RBM23: variants seen among roughly 807,000 people sequenced by gnomAD.
The protein encoded by RBM23 is probable RNA-binding protein 23.
RBM23 carries 53 observed loss-of-function variants against 56.2 expected under a neutral mutation model. That is an observed-to-expected ratio of 0.94 (90% CI 0.76 to 1.19). RBM23 has a LOEUF of 1.19. Among genes scored for constraint, RBM23 ranks in the 50% most tolerant of loss-of-function variants. The pLI is 0.00. For missense variants in RBM23, 642 were observed against 590.3 expected (o/e 1.09, Z -0.91); for synonymous variants, 197 against 198.5 (o/e 0.99, Z 0.06).
intron 4 of RBM23, 22 bp downstream of exon 4, chr14:22,908,311 T>G: frequency 6.5e-7 from 1 of 1,549,546 alleles, no homozygotes; most frequent in Non-Finnish European, 8.7e-7. Flanking sequence ...CGAGCCACTG[T>G]GCCTGGCCCA....
Position 22,901,627 on chromosome 14 carries a change from C to T in RBM23, c.*103G>A, listed in dbSNP as rs1026946858. ...TCCTCAGAGACAATGTCCATGCCCT[C>T]AGGATGGCTTGGTCCACAAAATGGA... On this transcript the variant is annotated 3_prime_UTR_variant, in exon 14 of 14. Coordinates refer to ENST00000359890, the MANE Select transcript of RBM23 (RefSeq NM_001077351.2). The T allele has an allele frequency of 4.6e-6, 7 of 1,506,642 alleles. No individual in the cohort carries two copies. The highest frequency in any genetic ancestry group is 1.4e-5 in the African/African-American group (1 of 72,536). The allele number at this position is 1,506,642 out of a possible 1,614,324, so 93.3% of individuals were successfully genotyped here. A position where few individuals can be genotyped will look rare whatever the true frequency, so the allele number is the denominator to read the frequency against.
chr14:22,910,509 AAGGGAGAAGG>A (rs2042322553), intron 2 of RBM23, among the ~76,000 whole-genome samples: 1 of 142,730 alleles, frequency 7.0e-6, no homozygotes, highest in African/African-American at 2.5e-5. Flanking sequence ...GGGGGAAAGG[AAGGGAGAAGG>A]AGGGAGGGAT....
At chr14:22,911,900 G>C (rs1331489722) in intron 1 of RBM23, 1 of 152,326 alleles carries the variant, frequency 6.6e-6, no homozygotes, top group Non-Finnish European at 1.5e-5. Context: ...AGCAATGTGT[G>C]ACCCTGTCTC....
chr14:22,914,150 C>A (rs1217892851), intron 1 of RBM23: 8 of 151,428 alleles, frequency 5.3e-5, no homozygotes, highest in Admixed American at 5.3e-4. Context: ...CATGGTGAAA[C>A]CCCATCTCTA....
chr14:22,904,952 T>C lies in RBM23; in HGVS notation c.787A>G (p.Met263Val), dbSNP rs140983233. 4.2e-4 allele frequency: 678 copies of C among 1,614,228 alleles called. 4 individuals carry two copies. The African/African-American group carries it at 6.0e-3, about 14-fold the overall frequency. Residue 263 changes from methionine (M) to valine (V), a missense_variant, in exon 9 of 14, where the codon ATG becomes GTG. Physicochemically the swap from Met to Val is conservative, Grantham distance 21 (BLOSUM62 1). Coordinates refer to ENST00000359890, the MANE Select transcript of RBM23 (RefSeq NM_001077351.2). ...NNLQKGNGGP[M>V]RLYVGSLHFN... is the part of the protein sequence containing the mutation. ...TGCAGGGAACCCACATAGAGGCGCA[T>C]TGGTCCACCATTGCCCTTTTGCAGG... is the stretch of plus-strand genomic sequence containing the variant.
intron 9 of RBM23, among the ~76,000 whole-genome samples, 173 bp from the exon 10 acceptor site, chr14:22,904,499 G>T (rs2041185193): frequency 6.7e-6 from 1 of 149,480 alleles, no homozygotes; most frequent in Admixed American, 6.7e-5. Flanking sequence ...TTAGTCAGTA[G>T]AAATATTTTG....
At chr14:22,906,672 T>A (rs2041625173) in intron 4 of RBM23, among the ~76,000 whole-genome samples, 1 of 152,218 alleles carries the variant, frequency 6.6e-6, no homozygotes, top group Non-Finnish European at 1.5e-5. Context: ...GATGGAAGGA[T>A]GGAAGGATGG....
chr14:22,916,802 T>C (rs1449819782), intron 1 of RBM23, among the ~76,000 whole-genome samples: 1 of 152,190 alleles, frequency 6.6e-6, no homozygotes, highest in African/African-American at 2.4e-5. Flanking sequence ...ATCTGAGGCA[T>C]GTACAGTGTA....
At position 22,902,072 on chromosome 14, in the gene RBM23, G is replaced by A; in HGVS notation, c.1154C>T (p.Ala385Val). 2 of 1,611,486 alleles carry A rather than the reference G, an allele frequency of 1.2e-6. No homozygotes were observed. The highest frequency in any genetic ancestry group is 1.1e-5 in the South Asian group (1 of 90,896). ...EGAGIQLPST[A>V]AAAAAAAAQA... ...GGCGGCGGCGGCAGCAGCAGCAGCA[G>A]CAGTGCTTGGCAGTTGGATTCCAGC... The change falls in exon 12 of 14, where the codon GCT (alanine) becomes GTT (valine). Residue 385 changes from alanine to valine, a missense_variant. Coordinates refer to ENST00000359890, the MANE Select transcript of RBM23 (RefSeq NM_001077351.2).
chr14:22,895,039 CA>C lies in RBM23; in HGVS notation c.*6690del, dbSNP rs11298840. On this transcript the variant is annotated 3_prime_UTR_variant, in exon 14 of 14. Coordinates refer to ENST00000359890, the MANE Select transcript of RBM23 (RefSeq NM_001077351.2). The stretch of plus-strand genomic sequence containing the variant: ...TGGGCGACAAAGCAAGACTCCATCT[CA>C]AAAAAAATTAATTAATTAATTAAAA... 111,473 of 149,676 alleles carry C rather than the reference CA, an allele frequency of 0.74. 41,846 individuals are homozygous for C. The highest frequency in any genetic ancestry group is 0.99 in the East Asian group (4,917 of 4,974). 9.3% of individuals were successfully genotyped at this position (149,676 alleles called of 1,614,324 possible).
intron 3 of RBM23, 37 bp from the exon 4 acceptor site, chr14:22,908,417 A>C: frequency 1.3e-6 from 2 of 1,495,484 alleles, no homozygotes; most frequent in African/African-American, 2.9e-5. Context: ...TTTTTTTTTT[A>C]ATTTTGAGAA....
At position 22,902,006 on chromosome 14, in the gene RBM23, C is replaced by T. The variant is rs200611630; in HGVS notation, c.1220G>A (p.Gly407Glu). The T allele has an allele frequency of 9.9e-6, 16 of 1,612,104 alleles. No homozygotes were observed. The highest frequency in any genetic ancestry group is 6.7e-5 in the Admixed American group (4 of 59,880). Residue 407 changes from glycine (G) to glutamate (E), a missense_variant, in exon 12 of 14, where the codon GGG (glycine) becomes GAG (glutamate). Gly to Glu is a moderately conservative substitution (Grantham distance 98, BLOSUM62 -2). Coordinates refer to ENST00000359890, the MANE Select transcript of RBM23 (RefSeq NM_001077351.2). ...AGTCAGAGCTGCTGGATTCAGGGCC[C>T]CCAAGGGAACTGCTCCATTCAGTTG... is the stretch of plus-strand genomic sequence containing the variant. ...ALQLNGAVPL[G>E]ALNPAALTAL...
Position 22,906,270 on chromosome 14 carries a change from T to C in RBM23, c.326A>G (p.His109Arg), listed in dbSNP as rs775566402. Residue 109 changes from histidine to arginine, a missense_variant, in exon 5 of 14, where the codon CAT becomes CGT. Coordinates refer to ENST00000359890, the MANE Select transcript of RBM23 (RefSeq NM_001077351.2). Reference sequence around the variant, plus strand: ...GTCCCGACTTCGCGACTCACTACCATGTCGACGATCCCAGCTACGGCTACG... The same window carrying C: ...GTCCCGACTTCGCGACTCACTACCACGTCGACGATCCCAGCTACGGCTACG... ...RHRSRSWDRR[H>R]GSESRSRDHR... is the part of the protein sequence containing the mutation. 2.0e-5 allele frequency: 33 copies of C among 1,614,116 alleles called. No individual in the cohort carries two copies. Among genetic ancestry groups the C allele is most frequent in the South Asian group, 6.6e-5 (6 of 91,090 alleles).
chr14:22,912,955 G>GT (rs1032798313), intron 1 of RBM23, among the ~76,000 whole-genome samples: 1 of 117,454 alleles, frequency 8.5e-6, no homozygotes, highest in Admixed American at 1.1e-4. Flanking sequence ...AGCCAAGATT[G>GT]TGCCACTGCA....
chr14:22,896,118 C>G lies in RBM23; in HGVS notation c.*5612G>C, dbSNP rs2040244930. The G allele has an allele frequency of 6.6e-6, 1 of 152,140 alleles. No homozygotes were observed. Among genetic ancestry groups the G allele is most frequent in the African/African-American group, 2.4e-5 (1 of 41,428 alleles). The allele number at this position is 152,140 out of a possible 1,614,324, so 9.4% of individuals were successfully genotyped here. The stretch of plus-strand genomic sequence containing the variant: ...GCTCTAAAGTTGGGGAGAATGAAGT[C>G]AGCTAGAAAATCAAGTGAGTAGGCA... On this transcript the variant is annotated 3_prime_UTR_variant, in exon 14 of 14. Coordinates refer to ENST00000359890, the MANE Select transcript of RBM23 (RefSeq NM_001077351.2).
chr14:22,909,497 G>A lies in RBM23; in HGVS notation c.165C>T (p.Ile55=). ...CCCACACTCACTTGCTTGTCTCCCCGATGGTGCTGCTTCCACTGGTCTCAT... is the reference window on the plus strand; with the variant it reads ...CCCACACTCACTTGCTTGTCTCCCCAATGGTGCTGCTTCCACTGGTCTCAT... ...SGNETSGSST[I]GETSKKKRSR... is the part of the protein sequence containing the mutation. The change falls in exon 3 of 14, where the codon ATC becomes ATT. Residue 55 remains isoleucine (I), a synonymous_variant. Transcript: ENST00000359890. 2.5e-6 allele frequency: 4 copies of A among 1,612,888 alleles called. No individual in the cohort carries two copies. Among genetic ancestry groups the A allele is most frequent in the South Asian group, 1.1e-5 (1 of 91,024 alleles).
chr14:22,908,360 T>G lies in RBM23; in HGVS notation c.200A>C (p.His67Pro). 6.5e-7 allele frequency: 1 copy of G among 1,549,506 alleles called. No homozygotes were observed. Residue 67 changes from histidine (H) to proline (P), a missense_variant, in exon 4 of 14, where the codon CAT (histidine) becomes CCT (proline). Physicochemically the swap from His to Pro is moderately conservative, Grantham distance 77. Transcript: ENST00000359890. Reference sequence around the variant, plus strand: ...GCGCTTTCTATCCCTGCTTTTATTATGGCTCCGACTCCTCTTCTTCCTGTG... The same window carrying G: ...GCGCTTTCTATCCCTGCTTTTATTAGGGCTCCGACTCCTCTTCTTCCTGTG... ...ETSKKKRSRS[H>P]NKSRDRKRSR... is the part of the protein sequence containing the mutation.
Position 22,897,081 on chromosome 14 carries a change from A to C in RBM23, c.*4649T>G, listed in dbSNP as rs1176838757. The C allele has an allele frequency of 6.6e-6, 1 of 152,196 alleles. No individual in the cohort carries two copies. Among genetic ancestry groups the C allele is most frequent in the East Asian group, 1.9e-4 (1 of 5,194 alleles). The allele number at this position is 152,196 out of a possible 1,614,324, so 9.4% of individuals were successfully genotyped here. On this transcript the variant is annotated 3_prime_UTR_variant, in exon 14 of 14. Coordinates refer to ENST00000359890, the MANE Select transcript of RBM23 (RefSeq NM_001077351.2). Reference sequence around the variant, plus strand: ...ATCTTCTCTCCTGGTGGAGTGAGGAAGGAATGGATGAGGCTGCTGGGAAAA... The same window carrying C: ...ATCTTCTCTCCTGGTGGAGTGAGGACGGAATGGATGAGGCTGCTGGGAAAA...
At chr14:22,902,857 C>G in intron 10 of RBM23, 3 of 891,804 alleles carry the variant, frequency 3.4e-6, no homozygotes, top group South Asian at 5.2e-5. Flanking sequence ...TCACTACAAC[C>G]TCCATCTCCT....
Sources: gnomAD v4.1 joint callset for allele counts (sites outside exome capture counted in the v4.1 genomes callset) on GRCh38, gnomAD v4.1.1 for gene constraint, MANE v1.5 for transcripts, NCBI Gene and HGNC (gene_info 2026-07-23, HGNC 2026-07-21) for gene names.